The following ASAP1 variants were observed in gnomAD, a reference collection of about 807,000 sequenced individuals.
ASAP1 encodes the protein ArfGAP with SH3 domain, ankyrin repeat and PH domain 1.
In ASAP1, 43 loss-of-function variants were observed where a neutral mutation model predicts 145.2. That is an observed-to-expected ratio of 0.30 (90% CI 0.23 to 0.38). The LOEUF (loss-of-function observed/expected upper bound fraction) is 0.38. Ranked by LOEUF, ASAP1 falls within the 10% of genes least tolerant of loss-of-function variation. The pLI, the probability that ASAP1 is intolerant of heterozygous loss-of-function variation, is 1.00. For synonymous variants in ASAP1, 546 were observed against 515.5 expected (o/e 1.06, Z -0.80); for missense variants, 1,018 against 1,355.3 (o/e 0.75, Z 3.91).
chr8:130,373,818 G>A (rs2138315504), intron 2 of ASAP1, among the ~76,000 whole-genome samples: 1 of 136,100 alleles, frequency 7.3e-6, no homozygotes, highest in South Asian at 2.3e-4. Context: ...CTGCACTCCA[G>A]CCTGGGTGAC....
intron 9 of ASAP1, among the ~76,000 whole-genome samples, chr8:130,174,141 T>C (rs1009481292): frequency 6.9e-6 from 1 of 144,502 alleles, no homozygotes; most frequent in African/African-American, 2.6e-5. Context: ...AACCATATCA[T>C]ATTTTATATT....
chr8:130,052,310 G>C lies in ASAP1; in HGVS notation c.*2421C>G, dbSNP rs1407172358. 6.6e-6 allele frequency: 1 copy of C among 152,446 alleles called. No individual in the cohort carries two copies. The highest frequency in any genetic ancestry group is 1.5e-5 in the Non-Finnish European group (1 of 68,024). The allele number at this position is 152,446 out of a possible 1,614,324, so 9.4% of individuals were successfully genotyped here. A position where few individuals can be genotyped will look rare whatever the true frequency, so the allele number is the denominator to read the frequency against. On this transcript the variant is annotated 3_prime_UTR_variant, in exon 30 of 30. Coordinates refer to ENST00000518721, the MANE Select transcript of ASAP1 (RefSeq NM_018482.4). ...TCCTATACAACATGTTGAAGTTCTA[G>C]GCAATAAAAAAATAAATAGCAATTG...
At chr8:130,377,891 C>T (rs1163009266) in intron 2 of ASAP1, among the ~76,000 whole-genome samples, 4 of 152,156 alleles carry the variant, frequency 2.6e-5, no homozygotes, top group Non-Finnish European at 5.9e-5. Context: ...CTATGGTCCC[C>T]CTGCCCACTG....
intron 29 of ASAP1, among the ~76,000 whole-genome samples, chr8:130,056,233 T>C (rs963906407): frequency 2.0e-5 from 3 of 152,242 alleles, no homozygotes; most frequent in Non-Finnish European, 4.4e-5. Context: ...ATAGAGCTAG[T>C]AACTGATTCA....
Position 130,194,218 on chromosome 8 carries a change from T to C in ASAP1, c.406-6035A>G, listed in dbSNP as rs531464911. ...AATTTACAAAGTCTTTCCAACTAAC[T>C]TCCCAGGAAAACGTAGGTTAATTAA... is the stretch of plus-strand genomic sequence containing the variant. On this transcript the variant is annotated intron_variant, in intron 5 of 29. Transcript: ENST00000518721. Among the ~76,000 whole-genome samples, 21 of 152,190 alleles carry C rather than the reference T, an allele frequency of 1.4e-4. No individual in the cohort carries two copies. The South Asian group carries it at 3.5e-3, about 26-fold the overall frequency.
chr8:130,268,680 T>C (rs899524703), intron 3 of ASAP1, among the ~76,000 whole-genome samples: 1 of 152,160 alleles, frequency 6.6e-6, no homozygotes, highest in Admixed American at 6.5e-5. Context: ...ATAGTTGGGT[T>C]AGAGTAGTGG....
intron 1 of ASAP1, among the ~76,000 whole-genome samples, chr8:130,421,032 G>A (rs1415097527): frequency 2.6e-5 from 4 of 152,160 alleles, no homozygotes; most frequent in Non-Finnish European, 5.9e-5. Context: ...CCACTAAGCA[G>A]GCAGGCTCTG....
intron 3 of ASAP1, among the ~76,000 whole-genome samples, chr8:130,274,355 C>A (rs947632383): frequency 3.3e-5 from 5 of 152,104 alleles, no homozygotes; most frequent in African/African-American, 1.2e-4. Context: ...CTTACCATTA[C>A]GGGGAAGTTT....
At chr8:130,068,523 C>A (rs2097434998) in intron 27 of ASAP1, among the ~76,000 whole-genome samples, 2 of 152,156 alleles carry the variant, frequency 1.3e-5, no homozygotes, top group South Asian at 4.1e-4. Context: ...GTAAGAGTGA[C>A]TAATTTAGGG....
chr8:130,360,517 A>G (rs1826661838), intron 2 of ASAP1, among the ~76,000 whole-genome samples: 1 of 152,222 alleles, frequency 6.6e-6, no homozygotes, highest in Non-Finnish European at 1.5e-5. Context: ...GATGCTCATC[A>G]ATGTCCTCTA....
rs768575084 is a variant in ASAP1 at position 130,111,210 on chromosome 8, C to CAAAAAAA, written c.2401+877_2401+883dup. ...CAACATAGCAAGACCTCATCTCTAC[C>CAAAAAAA]AAAAAAAAAAAAAAAAAAAAAAAAA... On this transcript the variant is annotated intron_variant, in intron 24 of 29. Coordinates refer to ENST00000518721, the MANE Select transcript of ASAP1 (RefSeq NM_018482.4). Among the ~76,000 whole-genome samples, 3 of 41,698 alleles carry CAAAAAAA rather than the reference C, an allele frequency of 7.2e-5. 1 individual carries two copies. The highest frequency in any genetic ancestry group is 2.0e-3 in the East Asian group (2 of 990). 27.4% of individuals were successfully genotyped at this position (41,698 alleles called of 152,430 possible). A position where few individuals can be genotyped will look rare whatever the true frequency, so the allele number is the denominator to read the frequency against.
intron 13 of ASAP1, among the ~76,000 whole-genome samples, chr8:130,138,792 C>T (rs1404242596): frequency 2.7e-5 from 4 of 149,570 alleles, no homozygotes; most frequent in Non-Finnish European, 5.9e-5. Flanking sequence ...GCCGAGATCT[C>T]GCCACTGCAC....
intron 3 of ASAP1, 112 bp downstream of exon 3, chr8:130,357,905 G>A (rs1007190030): frequency 2.8e-6 from 4 of 1,418,512 alleles, no homozygotes; most frequent in African/African-American, 2.9e-5. Flanking sequence ...TCCCTGAGGG[G>A]GTGTGGCGCC....
chr8:130,116,053 G>C (rs2097555328), intron 22 of ASAP1, among the ~76,000 whole-genome samples: 1 of 152,170 alleles, frequency 6.6e-6, no homozygotes, highest in Non-Finnish European at 1.5e-5. Flanking sequence ...TAAGACGTAG[G>C]CTTTTAAGGT....
chr8:130,318,337 C>T (rs979406405), intron 3 of ASAP1, among the ~76,000 whole-genome samples: 2 of 152,222 alleles, frequency 1.3e-5, no homozygotes, highest in African/African-American at 4.8e-5. Flanking sequence ...CTGCCTTGGC[C>T]TCCCAAAGTG....
intron 1 of ASAP1, among the ~76,000 whole-genome samples, chr8:130,423,252 C>A (rs1396240567): frequency 6.6e-6 from 1 of 152,184 alleles, no homozygotes; most frequent in Non-Finnish European, 1.5e-5. Context: ...ATATGTTCAA[C>A]TTTAGCATTA....
At chr8:130,365,847 G>C (rs905141686) in intron 2 of ASAP1, among the ~76,000 whole-genome samples, 57 of 152,238 alleles carry the variant, frequency 3.7e-4, no homozygotes, top group African/African-American at 1.3e-3. Flanking sequence ...TAGGGGGAAG[G>C]GTATGAGAGG....
intron 1 of ASAP1, among the ~76,000 whole-genome samples, chr8:130,417,070 A>G (rs111517999): frequency 1.3e-5 from 2 of 151,012 alleles, no homozygotes; most frequent in Admixed American, 6.6e-5. Flanking sequence ...ACATACACAC[A>G]TGCAAAGTGC....
chr8:130,156,770 A>C (rs2097658955), intron 12 of ASAP1, among the ~76,000 whole-genome samples: 1 of 152,224 alleles, frequency 6.6e-6, no homozygotes, highest in African/African-American at 2.4e-5. Flanking sequence ...ATGTCAAATG[A>C]GATGAGTGAG....
Sources: gnomAD v4.1 joint callset for allele counts (sites outside exome capture counted in the v4.1 genomes callset) on GRCh38, gnomAD v4.1.1 for gene constraint, MANE v1.5 for transcripts, NCBI Gene and HGNC (gene_info 2026-07-23, HGNC 2026-07-21) for gene names.